Variants in PAN3 observed in about 807,000 individuals in gnomAD.
The protein encoded by PAN3 is poly(A) specific ribonuclease subunit PAN3.
PAN3 carries 19 observed loss-of-function variants against 96.2 expected under a neutral mutation model. The observed-to-expected ratio is 0.20, with a 90% CI of 0.14 to 0.29. The LOEUF (loss-of-function observed/expected upper bound fraction) is 0.29. PAN3 is among the 10% of genes least tolerant of loss of function. The pLI is 1.00. For missense variants in PAN3, 882 were observed against 1,108.1 expected, an observed-to-expected ratio of 0.80 and a Z score of 2.90; for synonymous variants, 433 against 406.6, an observed-to-expected ratio of 1.06 and a Z score of -0.78.
At chr13:28,261,552 G>T (rs1274586657) in intron 9 of PAN3, 94 bp downstream of exon 9, 1 of 1,152,972 alleles carries the variant, frequency 8.7e-7, no homozygotes, top group Non-Finnish European at 1.2e-6. Flanking sequence ...AGAGTTCCAG[G>T]CTGGGCCTGG....
chr13:28,247,475 A>G (rs555107449), intron 6 of PAN3, among the ~76,000 whole-genome samples: 186 of 152,178 alleles, frequency 1.2e-3, no homozygotes, highest in African/African-American at 4.2e-3. Flanking sequence ...TTTGTTGCCT[A>G]TGCTTTTGAG....
At chr13:28,274,178 C>T (rs2138685019) in intron 14 of PAN3, among the ~76,000 whole-genome samples, 1 of 152,256 alleles carries the variant, frequency 6.6e-6, no homozygotes, top group East Asian at 1.9e-4. Context: ...CTGTTTTTCC[C>T]CCAGCAGCAT....
intron 6 of PAN3, among the ~76,000 whole-genome samples, chr13:28,242,929 A>T (rs1425156664): frequency 1.3e-5 from 2 of 152,154 alleles, no homozygotes; most frequent in Non-Finnish European, 2.9e-5. Context: ...GCTTTGTAGT[A>T]CTCACTGGTA....
At chr13:28,146,977 G>A (rs1238681493) in intron 1 of PAN3, among the ~76,000 whole-genome samples, 1 of 150,950 alleles carries the variant, frequency 6.6e-6, no homozygotes, top group Non-Finnish European at 1.5e-5. Context: ...GCAAGACTCC[G>A]TCTCAAAAAA....
intron 5 of PAN3, 44 bp from the exon 6 acceptor site, chr13:28,220,187 T>G (rs1881252123): frequency 6.4e-7 from 1 of 1,568,284 alleles, no homozygotes; most frequent in Admixed American, 1.8e-5. Flanking sequence ...ATGTCTTTTT[T>G]CGGCTTAAAG....
At chr13:28,196,643 G>T (rs903332997) in intron 4 of PAN3, among the ~76,000 whole-genome samples, 1 of 151,460 alleles carries the variant, frequency 6.6e-6, no homozygotes, top group Non-Finnish European at 1.5e-5. Flanking sequence ...CAAGTCTAAC[G>T]TGCATAGAAT....
chr13:28,183,200 A>G (rs1876019383), intron 4 of PAN3, among the ~76,000 whole-genome samples: 1 of 152,222 alleles, frequency 6.6e-6, no homozygotes, highest in African/African-American at 2.4e-5. Flanking sequence ...TTGAAAAATA[A>G]CTAAAATTTT....
At chr13:28,157,754 A>G (rs1015465554) in intron 1 of PAN3, among the ~76,000 whole-genome samples, 1 of 152,226 alleles carries the variant, frequency 6.6e-6, no homozygotes, top group Non-Finnish European at 1.5e-5. Flanking sequence ...GGAAGAATCA[A>G]TATTGTTAAA....
intron 1 of PAN3, among the ~76,000 whole-genome samples, chr13:28,149,925 A>T (rs923183783): frequency 4.6e-5 from 7 of 152,206 alleles, no homozygotes; most frequent in African/African-American, 1.4e-4. Flanking sequence ...CCAAGCCTAC[A>T]TTCTTTATAT....
intron 2 of PAN3, among the ~76,000 whole-genome samples, chr13:28,175,249 C>CCT (rs148502154): frequency 1.3e-5 from 2 of 151,472 alleles, no homozygotes; most frequent in African/African-American, 2.4e-5. Context: ...CGTTTCTCTC[C>CCT]CTCTCTCTCT....
At chr13:28,211,783 C>T (rs905277743) in intron 5 of PAN3, among the ~76,000 whole-genome samples, 1 of 152,152 alleles carries the variant, frequency 6.6e-6, no homozygotes, top group East Asian at 1.9e-4. Flanking sequence ...CAGCAGTTTT[C>T]AAGACATGAG....
intron 1 of PAN3, among the ~76,000 whole-genome samples, chr13:28,159,074 T>C (rs1593379841): frequency 6.6e-6 from 1 of 152,168 alleles, no homozygotes. Flanking sequence ...GAACTTAGAA[T>C]TACCATTTGA....
chr13:28,157,944 A>G (rs1360593000), intron 1 of PAN3, among the ~76,000 whole-genome samples: 1 of 152,242 alleles, frequency 6.6e-6, no homozygotes, highest in Non-Finnish European at 1.5e-5. Flanking sequence ...CTGATTTCAA[A>G]CTATACTTCA....
At chr13:28,207,693 A>G (rs1879540508) in intron 5 of PAN3, among the ~76,000 whole-genome samples, 1 of 152,214 alleles carries the variant, frequency 6.6e-6, no homozygotes, top group African/African-American at 2.4e-5. Context: ...GTTTGCTCAC[A>G]TTGTCCTAGC....
At chr13:28,260,597 C>T (rs1241452448) in intron 8 of PAN3, 46 bp downstream of exon 8, 3 of 1,424,582 alleles carry the variant, frequency 2.1e-6, no homozygotes, top group African/African-American at 2.8e-5. Flanking sequence ...GTCTCCTGTG[C>T]TTTAGTGAAC....
At chr13:28,289,649 C>A (rs55689350) in intron 18 of PAN3, among the ~76,000 whole-genome samples, 4,392 of 152,134 alleles carry the variant, frequency 0.029, 89 homozygotes, top group South Asian at 0.065. Flanking sequence ...TGGGAGGCCA[C>A]GGCGGGCGGA....
At chr13:28,269,774 A>G (rs1222786632) in intron 12 of PAN3, among the ~76,000 whole-genome samples, 1 of 152,132 alleles carries the variant, frequency 6.6e-6, no homozygotes, top group Non-Finnish European at 1.5e-5. Flanking sequence ...GTTCTGTCCA[A>G]ATTGAGAGAT....
chr13:28,217,129 GATA>G lies in PAN3; in HGVS notation c.853-3096_853-3094del, dbSNP rs150041947. Among the ~76,000 whole-genome samples the G allele has an allele frequency of 3.2e-4, 48 of 148,880 alleles. No individual in the cohort carries two copies. In the East Asian group the frequency reaches 9.3e-3, roughly 29 times the overall value. On this transcript the variant is annotated intron_variant, in intron 5 of 18. Coordinates refer to ENST00000380958, the MANE Select transcript of PAN3 (RefSeq NM_175854.8). Reference sequence around the variant, plus strand: ...ACTCTGTCTCAAAAAAAAAAAAAATGATAATAATTACAACAACATTTAAGCTAA... The same window carrying G: ...ACTCTGTCTCAAAAAAAAAAAAAATGATAATTACAACAACATTTAAGCTAA...
intron 1 of PAN3, among the ~76,000 whole-genome samples, chr13:28,159,299 C>G (rs778173044): frequency 4.6e-5 from 7 of 152,166 alleles, no homozygotes; most frequent in Non-Finnish European, 8.8e-5. Flanking sequence ...ATGTCCTTTG[C>G]AGCAACATGG....
Sources: allele counts gnomAD v4.1 joint callset (sites outside exome capture counted in the v4.1 genomes callset), GRCh38; gene constraint gnomAD v4.1.1; transcripts MANE v1.5; gene names NCBI Gene and HGNC (gene_info 2026-07-23, HGNC 2026-07-21).